The following EEF2K variants were observed in gnomAD, a reference collection of about 807,000 sequenced individuals.
The protein encoded by EEF2K is eukaryotic elongation factor 2 kinase, also known as alternative protein EEF2K.
A neutral mutation model predicts 93.8 loss-of-function variants in EEF2K; 70 were observed. The ratio of observed to expected loss-of-function variants is 0.75; its 90% confidence interval spans 0.62 to 0.91. EEF2K has a LOEUF of 0.91. Among genes scored for constraint, EEF2K ranks in the 40% least tolerant of loss-of-function variants. The probability of loss-of-function intolerance (pLI) is 0.00; values close to 1 mark genes in which losing one functional copy is unlikely to be tolerated. For synonymous variants in EEF2K, 376 were observed against 380.8 expected (o/e 0.99, Z 0.15); for missense variants, 935 against 972.9 (o/e 0.96, Z 0.52).
chr16:22,278,888 G>A (rs936032542), intron 16 of EEF2K, among the ~76,000 whole-genome samples: 16 of 152,244 alleles, frequency 1.1e-4, no homozygotes, highest in Non-Finnish European at 1.9e-4. Flanking sequence ...GCTGGAAGTG[G>A]AGACTCAACT....
In EEF2K at chr16:22,244,671, C is replaced by G. The variant is rs569171030; in HGVS notation, c.288C>G (p.Pro96=). The change falls in exon 3 of 18, where the codon CCC becomes CCG. Residue 96 remains proline (P), a synonymous_variant. Transcript: ENST00000263026. ...KHAIQKAKHM[P]DPWAEFHLED... is the part of the protein sequence containing the mutation. ...CAATCCAGAAGGCCAAGCACATGCCCGACCCCTGGGCTGAGTTCCACCTGG... is the reference window on the plus strand; with the variant it reads ...CAATCCAGAAGGCCAAGCACATGCCGGACCCCTGGGCTGAGTTCCACCTGG... 6 of 1,613,926 alleles carry G rather than the reference C, an allele frequency of 3.7e-6. No homozygotes were observed. The East Asian group carries it at 1.3e-4, about 36-fold the overall frequency.
intron 1 of EEF2K, among the ~76,000 whole-genome samples, chr16:22,222,755 G>A (rs1457877879): frequency 2.0e-5 from 3 of 150,576 alleles, no homozygotes; most frequent in African/African-American, 7.3e-5. Context: ...ACAGTGGTGC[G>A]TGTCTGTAGT....
Position 22,226,517 on chromosome 16 carries a change from C to CTTTTTTTTTTTTTTTTTTTTTTTTT in EEF2K, c.246+557_246+558insTTTTTTTTTTTTTTTTTTTTTTTTT, listed in dbSNP as rs553013823. On this transcript the variant is annotated intron_variant, in intron 2 of 17. Transcript: ENST00000263026. ...CTTTTTCTTTCTTTTCCTTCTTCTT[C>CTTTTTTTTTTTTTTTTTTTTTTTTT]TTTTTTTTTTTTTTTATAAACGTGG... 3.3e-4 allele frequency among the ~76,000 whole-genome samples: 35 copies of CTTTTTTTTTTTTTTTTTTTTTTTTT among 106,852 alleles called. 1 individual carries two copies. Among genetic ancestry groups the CTTTTTTTTTTTTTTTTTTTTTTTTT allele is most frequent in the African/African-American group, 1.4e-3 (34 of 23,632 alleles). 70.1% of individuals were successfully genotyped at this position (106,852 alleles called of 152,430 possible).
intron 12 of EEF2K, among the ~76,000 whole-genome samples, chr16:22,264,289 CAAAAAAAAA>C (rs59993193): frequency 5.0e-5 from 2 of 39,922 alleles, no homozygotes; most frequent in East Asian, 1.8e-3. Flanking sequence ...GAGACTGTCT[CAAAAAAAAA>C]AAAAAAAAAA....
intron 4 of EEF2K, among the ~76,000 whole-genome samples, chr16:22,249,153 A>G (rs2047324444): frequency 6.6e-6 from 1 of 151,710 alleles, no homozygotes; most frequent in Non-Finnish European, 1.5e-5. Context: ...TATTTTTTAT[A>G]GAGACATGGG....
Position 22,251,192 on chromosome 16 carries a change from G to T in EEF2K, c.488G>T (p.Gly163Val), listed in dbSNP as rs145216064. ...TTCTTGCATGCCCAGCAGTGGAAGG[G>T]CGCCTCCAACTACGTGGCGAAGCGC... is the stretch of plus-strand genomic sequence containing the variant. Reference protein sequence around the residue: ...SNFLHAQQWKGASNYVAKRYI... With the variant: ...SNFLHAQQWKVASNYVAKRYI... The change falls in exon 6 of 18, where the codon GGC (glycine) becomes GTC (valine). Residue 163 changes from glycine to valine, a missense_variant. Transcript: ENST00000263026. The T allele has an allele frequency of 3.2e-4, 516 of 1,614,124 alleles. No homozygotes were observed. Among genetic ancestry groups the T allele is most frequent in the Middle Eastern group, 8.2e-4 (5 of 6,062 alleles).
chr16:22,281,803 A>G (rs1307029011), intron 17 of EEF2K, among the ~76,000 whole-genome samples: 1 of 152,198 alleles, frequency 6.6e-6, no homozygotes, highest in Admixed American at 6.5e-5. Flanking sequence ...GTGTGTTATC[A>G]GTACTTCATT....
chr16:22,225,579 A>T, intron 1 of EEF2K, 75 bp from the exon 2 acceptor site: 5 of 1,219,994 alleles, frequency 4.1e-6, no homozygotes, highest in Non-Finnish European at 4.5e-6. Context: ...AGCCTGCAGC[A>T]TTTGGGGTGA....
At chr16:22,259,019 CAA>C (rs11310612) in intron 10 of EEF2K, among the ~76,000 whole-genome samples, 1 of 147,940 alleles carries the variant, frequency 6.8e-6, no homozygotes, top group South Asian at 2.1e-4. Context: ...GTATAGAGAA[CAA>C]AAAAAAAATC....
chr16:22,280,427 G>A (rs2047682187), intron 17 of EEF2K, 51 bp downstream of exon 17: 1 of 1,383,184 alleles, frequency 7.2e-7, no homozygotes, highest in East Asian at 2.7e-5. Flanking sequence ...GGGCAGGGAG[G>A]AACCTAATTT....
intron 11 of EEF2K, among the ~76,000 whole-genome samples, chr16:22,260,736 C>T (rs1312212310): frequency 6.6e-6 from 1 of 152,190 alleles, no homozygotes; most frequent in Non-Finnish European, 1.5e-5. Flanking sequence ...AAGGTGGGTC[C>T]CTTGCAGTTC....
intron 2 of EEF2K, among the ~76,000 whole-genome samples, chr16:22,236,267 C>G (rs540592888): frequency 2.0e-5 from 3 of 152,016 alleles, no homozygotes; most frequent in Admixed American, 1.3e-4. Context: ...TTATTTGAGC[C>G]CTTGAGTTTG....
intron 1 of EEF2K, among the ~76,000 whole-genome samples, chr16:22,217,235 A>C (rs1478420927): frequency 6.7e-6 from 1 of 149,698 alleles, no homozygotes. Context: ...AGATAGAGAG[A>C]GAGAGAGAGA....
intron 1 of EEF2K, among the ~76,000 whole-genome samples, chr16:22,220,330 A>G (rs773563384): frequency 1.1e-4 from 16 of 152,172 alleles, no homozygotes; most frequent in Non-Finnish European, 7.3e-5. Flanking sequence ...GTGGTGGGAC[A>G]TGGCCGAGGG....
chr16:22,262,972 C>T (rs892872169), intron 11 of EEF2K, 138 bp from the exon 12 acceptor site: 54 of 671,860 alleles, frequency 8.0e-5, no homozygotes, highest in Middle Eastern at 4.3e-4. Context: ...CCACCACACC[C>T]GGCAAGGGAC....
chr16:22,245,446 G>A (rs1384752813), intron 3 of EEF2K, among the ~76,000 whole-genome samples: 4 of 151,938 alleles, frequency 2.6e-5, no homozygotes, highest in Non-Finnish European at 5.9e-5. Flanking sequence ...CTCCCTCTGA[G>A]CCTAGGGGAG....
chr16:22,280,150 C>G (rs765435440), intron 16 of EEF2K, 48 bp from the exon 17 acceptor site: 1 of 1,420,278 alleles, frequency 7.0e-7, no homozygotes, highest in Non-Finnish European at 9.3e-7. Flanking sequence ...CTCCTGCCAC[C>G]CTGTTGCCAT....
At chr16:22,217,180 AAAAG>A in intron 1 of EEF2K, among the ~76,000 whole-genome samples, 1 of 149,924 alleles carries the variant, frequency 6.7e-6, no homozygotes, top group East Asian at 2.0e-4. Flanking sequence ...AAAAAAAAAA[AAAAG>A]AATCAGGAAG....
In EEF2K at chr16:22,259,744, GTT is replaced by G. The variant is rs371473525; in HGVS notation, c.1232-709_1232-708del. On this transcript the variant is annotated intron_variant, in intron 10 of 17. Coordinates refer to ENST00000263026, the MANE Select transcript of EEF2K (RefSeq NM_013302.5). ...AGGGAACCACCAGGAGATGGTTGGT[GTT>G]TTTTTTTTGTTTGTTTTGTTTTGAG... Among the ~76,000 whole-genome samples the G allele has an allele frequency of 6.2e-3, 913 of 148,410 alleles. 7 individuals are homozygous for G. The highest frequency in any genetic ancestry group is 0.021 in the African/African-American group (861 of 40,544).
Sources: gnomAD v4.1 joint callset for allele counts (sites outside exome capture counted in the v4.1 genomes callset) on GRCh38, gnomAD v4.1.1 for gene constraint, MANE v1.5 for transcripts, NCBI Gene and HGNC (gene_info 2026-07-23, HGNC 2026-07-21) for gene names.